The following PPP1R1C variants were observed in gnomAD, a reference collection of about 807,000 sequenced individuals.
PPP1R1C encodes the protein protein phosphatase 1 regulatory subunit 1C.
PPP1R1C carries 15 observed loss-of-function variants against 17.4 expected under a neutral mutation model. The ratio of observed to expected loss-of-function variants is 0.86; its 90% CI spans 0.58 to 1.33. The LOEUF is 1.33. Among genes scored for constraint, PPP1R1C ranks in the 40% most tolerant of loss-of-function variants. PPP1R1C has a pLI of 0.00. For synonymous variants in PPP1R1C, 35 were observed against 43.1 expected (o/e 0.81, Z 0.73); for missense variants, 143 against 130.0 (o/e 1.10, Z -0.48).
intron 2 of PPP1R1C, chr2:182,048,722 C>G (rs989573750): frequency 6.6e-6 from 1 of 151,986 alleles, no homozygotes; most frequent in Non-Finnish European, 1.5e-5. Context: ...TTGTTTTTGT[C>G]CCCTCCTTAT....
intron 2 of PPP1R1C, among the ~76,000 whole-genome samples, chr2:182,012,573 T>A (rs1287325576): frequency 2.0e-5 from 3 of 152,168 alleles, no homozygotes; most frequent in Non-Finnish European, 4.4e-5. Context: ...CCACTCTATG[T>A]CTTTTGACTG....
chr2:182,034,998 CTG>C (rs1333436159), intron 2 of PPP1R1C, among the ~76,000 whole-genome samples: 102 of 152,314 alleles, frequency 6.7e-4, no homozygotes, highest in Non-Finnish European at 4.4e-5. Flanking sequence ...AAAGAAAGGA[CTG>C]TGTCTGATTG....
intron 4 of PPP1R1C, among the ~76,000 whole-genome samples, chr2:182,089,117 T>G (rs1163411411): frequency 6.6e-6 from 1 of 152,148 alleles, no homozygotes; most frequent in Non-Finnish European, 1.5e-5. Flanking sequence ...GTGATTACAG[T>G]GGAAATCCAG....
At chr2:181,986,323 TA>T in intron 1 of PPP1R1C, 132 bp downstream of exon 1, 6 of 721,924 alleles carry the variant, frequency 8.3e-6, no homozygotes, top group Non-Finnish European at 1.4e-5. Flanking sequence ...AAACAAGAAA[TA>T]AGTTGGTTTT....
chr2:182,022,796 T>G (rs867823805), intron 2 of PPP1R1C, among the ~76,000 whole-genome samples: 9 of 152,296 alleles, frequency 5.9e-5, no homozygotes, highest in South Asian at 2.1e-4. Flanking sequence ...CCCTTATAAA[T>G]AATGAATGTT....
chr2:182,109,530 T>C (rs983797568), intron 4 of PPP1R1C, among the ~76,000 whole-genome samples: 1 of 152,182 alleles, frequency 6.6e-6, no homozygotes, highest in Non-Finnish European at 1.5e-5. Context: ...GAGTGTAGTG[T>C]CTGAATCTAG....
At chr2:182,058,086 T>C (rs974514985) in intron 2 of PPP1R1C, among the ~76,000 whole-genome samples, 1 of 152,158 alleles carries the variant, frequency 6.6e-6, no homozygotes, top group African/African-American at 2.4e-5. Flanking sequence ...AATGATTTTT[T>C]TAATTAACTG....
At chr2:181,963,549 G>A (rs2125131374) in intron 1 of PPP1R1C, among the ~76,000 whole-genome samples, 1 of 152,298 alleles carries the variant, frequency 6.6e-6, no homozygotes, top group East Asian at 1.9e-4. Context: ...TGCAGCAGGA[G>A]AATTGCTTCA....
intron 2 of PPP1R1C, among the ~76,000 whole-genome samples, chr2:182,055,077 G>T (rs918238725): frequency 7.4e-5 from 11 of 148,440 alleles, no homozygotes; most frequent in South Asian, 4.3e-4. Flanking sequence ...TTAGTTTCTG[G>T]TTTTTTTTTT....
At chr2:182,008,000 G>A (rs1051373312) in intron 2 of PPP1R1C, among the ~76,000 whole-genome samples, 1 of 152,038 alleles carries the variant, frequency 6.6e-6, no homozygotes. Flanking sequence ...CCTAGGAGGT[G>A]GAGCTTGCAG....
intron 1 of PPP1R1C, among the ~76,000 whole-genome samples, chr2:181,956,015 T>C (rs1684664143): frequency 6.6e-6 from 1 of 152,198 alleles, no homozygotes; most frequent in Non-Finnish European, 1.5e-5. Flanking sequence ...TTTCTCCTAA[T>C]GCTATCCCTC....
At chr2:182,004,110 G>C (rs186335905) in intron 2 of PPP1R1C, among the ~76,000 whole-genome samples, 23 of 152,164 alleles carry the variant, frequency 1.5e-4, no homozygotes, top group Non-Finnish European at 2.9e-4. Flanking sequence ...TGTTAGTCTT[G>C]GTCAATTCTT....
rs1171278142 is a variant in PPP1R1C at position 182,025,834 on chromosome 2, A to C, written c.143-35608A>C. Among the ~76,000 whole-genome samples, 25 of 144,766 alleles carry C rather than the reference A, an allele frequency of 1.7e-4. No homozygotes were observed. In the South Asian group the frequency reaches 5.3e-3, roughly 31 times the overall value. 95.0% of individuals were successfully genotyped at this position (144,766 alleles called of 152,430 possible). ...GTTTACAGTCCCACCAACGGTGTAA[A>C]AGTGTTCCTATTTCTCCACATCCTC... On this transcript the variant is annotated intron_variant, in intron 2 of 4. Transcript: ENST00000682840.
intron 5 of PPP1R1C, among the ~76,000 whole-genome samples, chr2:182,126,184 TG>T (rs1298511169): frequency 2.0e-5 from 3 of 152,082 alleles, no homozygotes; most frequent in Admixed American, 6.6e-5. Context: ...AGTCTTTATA[TG>T]TTTTTTTGGC....
upstream of PPP1R1C, among the ~76,000 whole-genome samples, chr2:181,982,584 G>T (rs1685212784): frequency 6.6e-6 from 1 of 152,160 alleles, no homozygotes; most frequent in Non-Finnish European, 1.5e-5. Flanking sequence ...CAAATTGAGT[G>T]ATTCTTCTTG....
chr2:181,995,377 C>T (rs1246145895), intron 2 of PPP1R1C, among the ~76,000 whole-genome samples: 1 of 152,122 alleles, frequency 6.6e-6, no homozygotes, highest in Non-Finnish European at 1.5e-5. Flanking sequence ...GCCTGAGTTT[C>T]CTCAGAAAAA....
At chr2:181,975,005 T>G (rs935010502) in intron 1 of PPP1R1C, among the ~76,000 whole-genome samples, 4 of 152,210 alleles carry the variant, frequency 2.6e-5, no homozygotes, top group Non-Finnish European at 4.4e-5. Context: ...ACTAAAATTC[T>G]GATGACTGTC....
chr2:182,019,033 C>T (rs1244060641), intron 2 of PPP1R1C, among the ~76,000 whole-genome samples: 1 of 151,990 alleles, frequency 6.6e-6, no homozygotes, highest in African/African-American at 2.4e-5. Context: ...ATATATTAAA[C>T]ACAGATAGTG....
intron 2 of PPP1R1C, among the ~76,000 whole-genome samples, chr2:181,977,997 A>G (rs1685123928): frequency 6.6e-6 from 1 of 152,210 alleles, no homozygotes; most frequent in Non-Finnish European, 1.5e-5. Flanking sequence ...TTTATAAAGC[A>G]GAGAGGTTTA....
Sources: allele counts gnomAD v4.1 joint callset (sites outside exome capture counted in the v4.1 genomes callset), GRCh38; gene constraint gnomAD v4.1.1; transcripts MANE v1.5; gene names NCBI Gene and HGNC (gene_info 2026-07-23, HGNC 2026-07-21).